The following MYO3B variants were observed in gnomAD, a reference collection of about 807,000 sequenced individuals.
MYO3B encodes myosin-IIIb.
A neutral mutation model predicts 174.6 loss-of-function variants in MYO3B; 156 were observed. The observed-to-expected ratio is 0.89, with a 90% confidence interval of 0.78 to 1.02. The LOEUF is 1.02. MYO3B is among the 50% of genes least tolerant of loss of function. MYO3B has a pLI of 0.00. For missense variants in MYO3B, 1,632 were observed against 1,639.4 expected, an observed-to-expected ratio of 1.00 and a Z score of 0.08; for synonymous variants, 563 against 569.1, an observed-to-expected ratio of 0.99 and a Z score of 0.15.
chr2:170,491,192 A>G lies in MYO3B; in HGVS notation c.3015-7400A>G, dbSNP rs980463748. ...TTTCCTGATAAGTTTTTAACACTAT[A>G]CATTTCTAAATACTGCTTTAGCAAT... On this transcript the variant is annotated intron_variant, in intron 25 of 34. Coordinates refer to ENST00000408978, the MANE Select transcript of MYO3B (RefSeq NM_138995.5). Among the ~76,000 whole-genome samples the G allele has an allele frequency of 5.3e-5, 8 of 152,282 alleles. No homozygotes were observed. The East Asian group carries it at 9.6e-4, about 18-fold the overall frequency.
intron 1 of MYO3B, among the ~76,000 whole-genome samples, chr2:170,180,470 C>T (rs1005111493): frequency 3.9e-5 from 6 of 152,134 alleles, no homozygotes; most frequent in African/African-American, 1.4e-4. Context: ...TCTTATTTCT[C>T]TGTTTTCTTT....
intron 7 of MYO3B, among the ~76,000 whole-genome samples, chr2:170,320,131 T>C (rs1247600492): frequency 6.6e-6 from 1 of 152,174 alleles, no homozygotes; most frequent in Non-Finnish European, 1.5e-5. Context: ...TCTTTAAATA[T>C]ATTTTTCTCA....
chr2:170,564,044 G>C (rs779886015), intron 32 of MYO3B, among the ~76,000 whole-genome samples: 1 of 152,128 alleles, frequency 6.6e-6, no homozygotes, highest in Non-Finnish European at 1.5e-5. Flanking sequence ...ATGTGCCCAG[G>C]GCATTGTTTC....
chr2:170,369,344 A>G lies in MYO3B; in HGVS notation c.938A>G (p.Asp313Gly), dbSNP rs1480021175. 6 of 1,613,438 alleles carry G rather than the reference A, an allele frequency of 3.7e-6. No individual in the cohort carries two copies. The South Asian group carries it at 5.5e-5, about 15-fold the overall frequency. The change falls in exon 9 of 35, where the codon GAC becomes GGC. Residue 313 changes from aspartate (D) to glycine (G), a missense_variant. Asp to Gly is a moderately conservative substitution (Grantham distance 94). Transcript: ENST00000408978. ...LQKQLAKVLQDQKHQNPVAKT... is the reference protein window; with the variant it reads ...LQKQLAKVLQGQKHQNPVAKT... ...AAACAGCTGGCCAAGGTTCTCCAAG[A>G]CCAGAAGCATCAAAATCCTGTTGCT...
At chr2:170,578,696 TA>T (rs918879116) in intron 32 of MYO3B, among the ~76,000 whole-genome samples, 9 of 152,236 alleles carry the variant, frequency 5.9e-5, no homozygotes, top group Admixed American at 4.6e-4. Context: ...AACTAACTGC[TA>T]AAAAAATATT....
chr2:170,490,584 G>C (rs567195704), intron 25 of MYO3B, among the ~76,000 whole-genome samples: 8 of 151,942 alleles, frequency 5.3e-5, no homozygotes, highest in Middle Eastern at 3.4e-3. Context: ...TGTTGAATAG[G>C]AGTGATGAGA....
intron 32 of MYO3B, among the ~76,000 whole-genome samples, chr2:170,572,210 A>G (rs959451139): frequency 1.3e-4 from 20 of 152,136 alleles, no homozygotes; most frequent in African/African-American, 4.6e-4. Flanking sequence ...CGGGTGGATC[A>G]CGAGGTCAGG....
intron 25 of MYO3B, among the ~76,000 whole-genome samples, chr2:170,480,778 C>T (rs1430455646): frequency 1.3e-5 from 2 of 152,218 alleles, no homozygotes; most frequent in African/African-American, 4.8e-5. Flanking sequence ...TGGGGAAAAA[C>T]TCACACACAT....
intron 25 of MYO3B, among the ~76,000 whole-genome samples, chr2:170,498,303 A>G (rs1428485063): frequency 1.3e-5 from 2 of 152,214 alleles, no homozygotes; most frequent in Non-Finnish European, 2.9e-5. Flanking sequence ...TCAGCTTTCT[A>G]AAAAGATTAT....
intron 30 of MYO3B, among the ~76,000 whole-genome samples, chr2:170,540,697 C>T (rs939113903): frequency 6.6e-6 from 1 of 151,696 alleles, no homozygotes; most frequent in Admixed American, 6.6e-5. Flanking sequence ...ACAACAACAA[C>T]AACAACTCTA....
chr2:170,205,786 C>A (rs1385529414), intron 3 of MYO3B, among the ~76,000 whole-genome samples: 2 of 152,010 alleles, frequency 1.3e-5, no homozygotes, highest in Non-Finnish European at 2.9e-5. Flanking sequence ...ATCTGCTGAC[C>A]AAATCATTTT....
chr2:170,506,975 C>T (rs1391550411), intron 28 of MYO3B, among the ~76,000 whole-genome samples: 1 of 152,130 alleles, frequency 6.6e-6, no homozygotes, highest in Non-Finnish European at 1.5e-5. Flanking sequence ...ACTTTTTCTT[C>T]ACTCATTTCA....
At chr2:170,594,827 G>A (rs866089015) in intron 32 of MYO3B, among the ~76,000 whole-genome samples, 20 of 135,096 alleles carry the variant, frequency 1.5e-4, no homozygotes, top group Non-Finnish European at 2.5e-4. Flanking sequence ...CCCAGCGCGC[G>A]CACACACACA....
At chr2:170,636,181 G>C (rs1347896074) in intron 32 of MYO3B, among the ~76,000 whole-genome samples, 4 of 152,108 alleles carry the variant, frequency 2.6e-5, no homozygotes, top group Non-Finnish European at 5.9e-5. Context: ...CAAAGTATAA[G>C]AGTTTGTTGG....
At chr2:170,550,161 G>A (rs898540716) in intron 32 of MYO3B, among the ~76,000 whole-genome samples, 5 of 152,136 alleles carry the variant, frequency 3.3e-5, no homozygotes, top group African/African-American at 1.2e-4. Context: ...TTTTCTTCTT[G>A]TCTGGATGCC....
In MYO3B at chr2:170,383,333, T is replaced by C. The variant is rs2094349701; in HGVS notation, c.1185+144T>C. The C allele has an allele frequency of 6.4e-6, 4 of 623,708 alleles. No homozygotes were observed. In the South Asian group the frequency reaches 8.7e-5, roughly 14 times the overall value. The allele number at this position is 623,708 out of a possible 1,614,324, so 38.6% of individuals were successfully genotyped here. A position where few individuals can be genotyped will look rare whatever the true frequency, so the allele number is the denominator to read the frequency against. On this transcript the variant is annotated intron_variant, in intron 11 of 34. Coordinates refer to ENST00000408978, the MANE Select transcript of MYO3B (RefSeq NM_138995.5). The stretch of plus-strand genomic sequence containing the variant: ...ACTGCAGATAGTAATGTAATACAAA[T>C]GGAATTTTTACATCTTGAGAATACC...
At chr2:170,593,874 A>AT (rs1215148490) in intron 32 of MYO3B, among the ~76,000 whole-genome samples, 1 of 151,814 alleles carries the variant, frequency 6.6e-6, no homozygotes, top group East Asian at 1.9e-4. Context: ...ACATCCAAAC[A>AT]TTTTTCCTAG....
At chr2:170,481,083 T>C (rs1205564322) in intron 25 of MYO3B, among the ~76,000 whole-genome samples, 1 of 152,216 alleles carries the variant, frequency 6.6e-6, no homozygotes. Flanking sequence ...AAAGGCTGAA[T>C]GTCAAACTTC....
intron 7 of MYO3B, among the ~76,000 whole-genome samples, chr2:170,328,924 G>A (rs1246716997): frequency 6.6e-6 from 1 of 152,042 alleles, no homozygotes; most frequent in Non-Finnish European, 1.5e-5. Flanking sequence ...CAGCACTTTG[G>A]GAGGCCAAGG....
Sources: gnomAD v4.1 joint callset for allele counts (sites outside exome capture counted in the v4.1 genomes callset) on GRCh38, gnomAD v4.1.1 for gene constraint, MANE v1.5 for transcripts, NCBI Gene and HGNC (gene_info 2026-07-23, HGNC 2026-07-21) for gene names.